The following ENOX1 variants were observed in gnomAD, a reference collection of about 807,000 sequenced individuals.
The protein encoded by ENOX1 is ecto-NOX disulfide-thiol exchanger 1.
Under a neutral mutation model 82.5 loss-of-function variants are expected in ENOX1, and 42 were observed. The observed-to-expected ratio is 0.51, with a 90% confidence interval of 0.40 to 0.66. ENOX1 has a LOEUF of 0.66. Among genes scored for constraint, ENOX1 ranks in the 30% least tolerant of loss-of-function variants. The probability of loss-of-function intolerance (pLI) is 0.00; values close to 1 mark genes in which losing one functional copy is unlikely to be tolerated. For synonymous variants in ENOX1, 271 were observed against 282.2 expected (o/e 0.96, Z 0.40); for missense variants, 608 against 811.6 (o/e 0.75, Z 3.05).
chr13:43,744,571 T>A (rs9525836), intron 1 of ENOX1, among the ~76,000 whole-genome samples: 11,940 of 152,214 alleles, frequency 0.078, 705 homozygotes, highest in African/African-American at 0.16. Context: ...TGAACTACTC[T>A]AGGAACTGGT....
At chr13:43,351,399 TTTTATTTATTTATTTTA>T (rs986550195) in intron 8 of ENOX1, among the ~76,000 whole-genome samples, 12 of 144,916 alleles carry the variant, frequency 8.3e-5, no homozygotes, top group East Asian at 2.1e-4. Flanking sequence ...TTTCTTTTTA[TTTTATTTATTTATTTTA>T]TTTATTTATT....
chr13:43,719,805 T>C (rs997096874), intron 1 of ENOX1, among the ~76,000 whole-genome samples: 3 of 152,178 alleles, frequency 2.0e-5, no homozygotes, highest in Non-Finnish European at 2.9e-5. Flanking sequence ...ACCCAAGCTC[T>C]AGCCTGTCCA....
At chr13:43,578,659 C>T (rs1037259475) in intron 2 of ENOX1, among the ~76,000 whole-genome samples, 1 of 152,156 alleles carries the variant, frequency 6.6e-6, no homozygotes, top group African/African-American at 2.4e-5. Context: ...AATGCATCCA[C>T]TTTTCTGCTT....
At chr13:43,434,937 G>GTTTTTTTTTTTTTTTT (rs537775258) in intron 3 of ENOX1, among the ~76,000 whole-genome samples, 71 of 75,810 alleles carry the variant, frequency 9.4e-4, no homozygotes, top group Middle Eastern at 9.1e-3. Context: ...TGTGTGTGTG[G>GTTTTTTTTTTTTTTTT]TTTTTTTTTT....
At chr13:43,337,521 T>C (rs1401882582) in intron 9 of ENOX1, among the ~76,000 whole-genome samples, 1 of 152,126 alleles carries the variant, frequency 6.6e-6, no homozygotes, top group African/African-American at 2.4e-5. Context: ...GTGATAGAAG[T>C]GGACTTCAAT....
chr13:43,684,202 G>A (rs537802040), intron 1 of ENOX1, among the ~76,000 whole-genome samples: 33 of 151,430 alleles, frequency 2.2e-4, no homozygotes, highest in South Asian at 4.2e-4. Flanking sequence ...TATTTTAGCC[G>A]TTTATGAAAT....
intron 4 of ENOX1, 99 bp downstream of exon 4, chr13:43,412,746 G>A (rs2054208673): frequency 2.1e-5 from 29 of 1,393,692 alleles, no homozygotes; most frequent in Non-Finnish European, 2.9e-5. Flanking sequence ...ATGGGCCCAG[G>A]CTCCTGGTTC....
At chr13:43,703,505 G>A (rs2087039724) in intron 1 of ENOX1, among the ~76,000 whole-genome samples, 1 of 152,114 alleles carries the variant, frequency 6.6e-6, no homozygotes, top group African/African-American at 2.4e-5. Flanking sequence ...AAGCGTCTCT[G>A]GGAATGTTAT....
intron 1 of ENOX1, among the ~76,000 whole-genome samples, chr13:43,768,545 C>T (rs1951413218): frequency 6.6e-6 from 1 of 152,150 alleles, no homozygotes; most frequent in African/African-American, 2.4e-5. Context: ...CACTTGAGCC[C>T]AGGAGTTCGA....
At chr13:43,375,095 T>G (rs1428377222) in intron 5 of ENOX1, among the ~76,000 whole-genome samples, 1 of 152,242 alleles carries the variant, frequency 6.6e-6, no homozygotes, top group South Asian at 2.1e-4. Flanking sequence ...ATGTAAATTA[T>G]AGTCAGCATT....
intron 8 of ENOX1, among the ~76,000 whole-genome samples, chr13:43,348,502 A>C (rs1163522299): frequency 1.3e-5 from 2 of 152,238 alleles, no homozygotes; most frequent in Non-Finnish European, 1.5e-5. Flanking sequence ...AACTGTGGTC[A>C]ACTGCAGACC....
chr13:43,713,688 A>G (rs2087898345), intron 1 of ENOX1, among the ~76,000 whole-genome samples: 1 of 152,038 alleles, frequency 6.6e-6, no homozygotes, highest in South Asian at 2.1e-4. Flanking sequence ...TAGATTTTCT[A>G]GTTTATTTGC....
intron 2 of ENOX1, among the ~76,000 whole-genome samples, chr13:43,643,883 T>C (rs1400535189): frequency 6.6e-6 from 1 of 152,068 alleles, no homozygotes; most frequent in African/African-American, 2.4e-5. Flanking sequence ...ACATGCAAAA[T>C]ACAGTAGCTG....
At chr13:43,538,827 CCG>C (rs374890564) in intron 2 of ENOX1, among the ~76,000 whole-genome samples, 36 of 23,578 alleles carry the variant, frequency 1.5e-3, no homozygotes, top group African/African-American at 2.1e-3. Flanking sequence ...CCTTTCCTCC[CCG>C]CCCCTGCCCT....
intron 2 of ENOX1, among the ~76,000 whole-genome samples, chr13:43,630,110 T>C (rs1019566333): frequency 3.9e-5 from 6 of 152,234 alleles, no homozygotes; most frequent in Non-Finnish European, 5.9e-5. Context: ...ATTCTCACCA[T>C]GTATGCTTAT....
At chr13:43,713,215 T>A (rs1433194154) in intron 1 of ENOX1, among the ~76,000 whole-genome samples, 1 of 152,200 alleles carries the variant, frequency 6.6e-6, no homozygotes, top group Admixed American at 6.5e-5. Context: ...TGGATTACAT[T>A]TATTGATTTG....
At position 43,423,991 on chromosome 13, in the gene ENOX1, C is replaced by A. The variant is rs7993265; in HGVS notation, c.-74-11003G>T. 2.6e-4 allele frequency among the ~76,000 whole-genome samples: 40 copies of A among 152,190 alleles called. No individual in the cohort carries two copies. The South Asian group carries it at 8.1e-3, about 31-fold the overall frequency. ...CAGAGCAAGAGAGACAGGAAAGAGTCGTCTTGAGGAAGGGATAAGGCCTCT... is the reference window on the plus strand; with the variant it reads ...CAGAGCAAGAGAGACAGGAAAGAGTAGTCTTGAGGAAGGGATAAGGCCTCT... On this transcript the variant is annotated intron_variant, in intron 3 of 16. Transcript: ENST00000690772.
chr13:43,585,046 T>C (rs2080915960), intron 2 of ENOX1, among the ~76,000 whole-genome samples: 1 of 152,184 alleles, frequency 6.6e-6, no homozygotes, highest in East Asian at 1.9e-4. Flanking sequence ...CAAAAAGGAT[T>C]ATGCAGATGT....
At chr13:43,504,825 T>C (rs1165036968) in intron 2 of ENOX1, among the ~76,000 whole-genome samples, 1 of 151,586 alleles carries the variant, frequency 6.6e-6, no homozygotes, top group Non-Finnish European at 1.5e-5. Flanking sequence ...ATGTTCTTAC[T>C]GCAAAATAAT....
Sources: gnomAD v4.1 joint callset for allele counts (sites outside exome capture counted in the v4.1 genomes callset) on GRCh38, gnomAD v4.1.1 for gene constraint, MANE v1.5 for transcripts, NCBI Gene and HGNC (gene_info 2026-07-23, HGNC 2026-07-21) for gene names.